Variants in JMJD1C observed in about 807,000 individuals in gnomAD.
The protein encoded by JMJD1C is jumonji domain-containing protein 1C.
JMJD1C carries 31 observed loss-of-function variants against 245.3 expected under a neutral mutation model. The observed-to-expected ratio is 0.13, with a 90% CI of 0.09 to 0.17. JMJD1C has a LOEUF of 0.17. Ranked by LOEUF, JMJD1C falls within the 10% of genes least tolerant of loss-of-function variation. The probability of loss-of-function intolerance (pLI) is 1.00; values close to 1 mark genes in which losing one functional copy is unlikely to be tolerated. For missense variants in JMJD1C, 2,691 were observed against 3,000.2 expected (o/e 0.90, Z 2.41); for synonymous variants, 1,057 against 1,017.4 (o/e 1.04, Z -0.74).
At chr10:63,506,317 G>A (rs1379187326) in intron 1 of JMJD1C, among the ~76,000 whole-genome samples, 1 of 152,194 alleles carries the variant, frequency 6.6e-6, no homozygotes, top group African/African-American at 2.4e-5. Context: ...TGGGCAGCAG[G>A]AAGCAAGGAA....
At chr10:63,249,453 C>G (rs962966803) in intron 3 of JMJD1C, among the ~76,000 whole-genome samples, 2 of 152,146 alleles carry the variant, frequency 1.3e-5, no homozygotes, top group Admixed American at 1.3e-4. Flanking sequence ...TACAATTCAA[C>G]AGAATAAATA....
Position 63,207,207 on chromosome 10 carries a change from C to T in JMJD1C, c.4462G>A (p.Ala1488Thr). The T allele has an allele frequency of 6.2e-7, 1 of 1,614,178 alleles. No individual in the cohort carries two copies. The highest frequency in any genetic ancestry group is 1.3e-5 in the African/African-American group (1 of 75,056). Residue 1488 changes from alanine to threonine, a missense_variant, in exon 10 of 26, where the codon GCA becomes ACA. Transcript: ENST00000399262. ...CTTTTATACTGAGCTGCAGCCAATG[C>T]TGCCTTGTGCTTTTTTAAATGGATA... ...DFIHLKKHKA[A>T]LAAAQYKSSN...
intron 2 of JMJD1C, among the ~76,000 whole-genome samples, chr10:63,281,316 T>TTTTTTGTTTGTTTTTTG (rs1564729816): frequency 1.4e-5 from 2 of 145,158 alleles, no homozygotes; most frequent in Non-Finnish European, 3.0e-5. Context: ...TCTGTTTTTT[T>TTTTTTGTTTGTTTTTTG]TTTTTGTTTG....
chr10:63,443,314 T>C (rs527305208), intron 1 of JMJD1C, among the ~76,000 whole-genome samples: 1 of 152,150 alleles, frequency 6.6e-6, no homozygotes, highest in Non-Finnish European at 1.5e-5. Context: ...TGTTTTGTTT[T>C]GCTTTTTCTT....
intron 2 of JMJD1C, among the ~76,000 whole-genome samples, chr10:63,308,950 T>A (rs1164497524): frequency 6.6e-6 from 1 of 152,130 alleles, no homozygotes; most frequent in Non-Finnish European, 1.5e-5. Context: ...TATATGCTTT[T>A]AGAAAGAAAA....
At chr10:63,395,178 T>C (rs1210788972) in intron 1 of JMJD1C, among the ~76,000 whole-genome samples, 3 of 151,864 alleles carry the variant, frequency 2.0e-5, no homozygotes, top group African/African-American at 4.8e-5. Context: ...ACACATCTAT[T>C]AGAAAGACTA....
intron 2 of JMJD1C, among the ~76,000 whole-genome samples, chr10:63,356,603 T>C (rs1944865223): frequency 6.6e-6 from 1 of 152,196 alleles, no homozygotes; most frequent in African/African-American, 2.4e-5. Flanking sequence ...AACTTTACAA[T>C]CATAAGATAT....
In JMJD1C at chr10:63,213,790, G is replaced by A. The variant is rs761363257; in HGVS notation, c.2377C>T (p.Pro793Ser). The stretch of plus-strand genomic sequence containing the variant: ...GGTAACACAGTGGGAAGTAAATGAG[G>A]GTGATGAACAGCATGGTGTGGACCA... ...TSGPHHAVHH[P>S]HLLPTVLPGV... is the part of the protein sequence containing the mutation. Residue 793 changes from proline to serine, a missense_variant, in exon 8 of 26, where the codon CCT becomes TCT. This residue lies in a region of JMJD1C where 1,562 missense variants were observed against 1,490.7 expected (regional missense o/e 1.05). Transcript: ENST00000399262. 2 of 1,614,022 alleles carry A rather than the reference G, an allele frequency of 1.2e-6. No homozygotes were observed. The highest frequency in any genetic ancestry group is 1.7e-5 in the Admixed American group (1 of 60,000).
At chr10:63,177,484 G>A in intron 23 of JMJD1C, 1 of 502,494 alleles carries the variant, frequency 2.0e-6, no homozygotes. Context: ...AACAGGGAAT[G>A]GAGGCACACT....
chr10:63,184,877 T>A (rs1843935589), intron 20 of JMJD1C, 139 bp from the exon 21 acceptor site: 1 of 732,008 alleles, frequency 1.4e-6, no homozygotes, highest in East Asian at 2.8e-5. Context: ...ACTCAAGTGA[T>A]ACTGACTAAA....
At position 63,208,501 on chromosome 10, in the gene JMJD1C, A is replaced by T; in HGVS notation, c.3168T>A (p.Ser1056=). The T allele has an allele frequency of 6.2e-7, 1 of 1,614,106 alleles. No homozygotes were observed. The highest frequency in any genetic ancestry group is 8.5e-7 in the Non-Finnish European group (1 of 1,179,994). ...RENYSRVASS[S]SSPKSHIIKQ... ...TGATGATATGGCTTTTAGGACTGGAAGATGATGATGCCACTCTGGAATAAT... is the reference window on the plus strand; with the variant it reads ...TGATGATATGGCTTTTAGGACTGGATGATGATGATGCCACTCTGGAATAAT... Residue 1056 remains serine, a synonymous_variant, in exon 10 of 26, where the codon TCT becomes TCA. Transcript: ENST00000399262.
intron 3 of JMJD1C, among the ~76,000 whole-genome samples, chr10:63,242,372 A>T (rs1007128963): frequency 6.6e-6 from 1 of 152,240 alleles, no homozygotes; most frequent in African/African-American, 2.4e-5. Flanking sequence ...ATTTACGTTT[A>T]AATAGCCACA....
intron 1 of JMJD1C, among the ~76,000 whole-genome samples, chr10:63,412,354 A>C (rs1325514317): frequency 6.6e-6 from 1 of 152,160 alleles, no homozygotes; most frequent in Non-Finnish European, 1.5e-5. Context: ...TTGATTCCTA[A>C]ATTTCTGTTC....
At chr10:63,515,277 A>G (rs1304079456) in intron 1 of JMJD1C, among the ~76,000 whole-genome samples, 3 of 152,152 alleles carry the variant, frequency 2.0e-5, no homozygotes, top group African/African-American at 7.2e-5. Context: ...TGGTTCTAAG[A>G]GAAATAATTT....
At chr10:63,198,003 G>T (rs1035434373) in intron 12 of JMJD1C, among the ~76,000 whole-genome samples, 4 of 152,190 alleles carry the variant, frequency 2.6e-5, no homozygotes, top group Non-Finnish European at 5.9e-5. Flanking sequence ...GGAAGGGAAG[G>T]AAAAGAAGCT....
intron 9 of JMJD1C, 123 bp from the exon 10 acceptor site, chr10:63,208,924 T>C (rs1181894838): frequency 3.9e-6 from 4 of 1,032,844 alleles, no homozygotes; most frequent in Admixed American, 2.7e-5. Context: ...TCTAATACTA[T>C]AATAAATTTG....
chr10:63,169,999 T>C (rs916104424), intron 24 of JMJD1C, among the ~76,000 whole-genome samples: 7 of 152,268 alleles, frequency 4.6e-5, no homozygotes, highest in Non-Finnish European at 8.8e-5. Flanking sequence ...AAATGCCCTC[T>C]CTCCTTATGT....
At chr10:63,339,682 T>C (rs1943193343) in intron 2 of JMJD1C, among the ~76,000 whole-genome samples, 1 of 152,022 alleles carries the variant, frequency 6.6e-6, no homozygotes, top group African/African-American at 2.4e-5. Flanking sequence ...TCCCAGCACT[T>C]TGGGAGGTCA....
chr10:63,201,457 A>C (rs771927370), intron 10 of JMJD1C, among the ~76,000 whole-genome samples: 2 of 152,196 alleles, frequency 1.3e-5, no homozygotes, highest in African/African-American at 2.4e-5. Context: ...GTGAAAAAAA[A>C]ATCAACTTAT....
Sources: gnomAD v4.1 joint callset for allele counts (sites outside exome capture counted in the v4.1 genomes callset) on GRCh38, gnomAD v4.1.1 for gene constraint, gnomAD v4.1.1 regional missense constraint, MANE v1.5 for transcripts, NCBI Gene and HGNC (gene_info 2026-07-23, HGNC 2026-07-21) for gene names.